The following RFC1 variants were observed in gnomAD, a reference collection of about 807,000 sequenced individuals.
The protein encoded by RFC1 is replication factor C subunit 1, also known as A1 140 kDa subunit.
In RFC1, 37 loss-of-function variants were observed where a neutral mutation model predicts 137.4. That is an observed-to-expected ratio of 0.27 (90% CI 0.21 to 0.35). The LOEUF (loss-of-function observed/expected upper bound fraction) is 0.35, where lower values mean the gene tolerates loss of function less well. Among genes scored for constraint, RFC1 ranks in the 10% least tolerant of loss-of-function variants. The pLI is 1.00. For missense variants in RFC1, 1,205 were observed against 1,358.5 expected, an observed-to-expected ratio of 0.89 and a Z score of 1.78; for synonymous variants, 429 against 455.7, an observed-to-expected ratio of 0.94 and a Z score of 0.75.
intron 22 of RFC1, 167 bp from the exon 23 acceptor site, chr4:39,292,019 C>T: frequency 1.6e-6 from 1 of 613,386 alleles, no homozygotes; most frequent in Non-Finnish European, 2.9e-6. Flanking sequence ...AAGCCCAGCA[C>T]CACAGCATGA....
chr4:39,292,031 G>T, intron 22 of RFC1, 179 bp from the exon 23 acceptor site: 1 of 596,684 alleles, frequency 1.7e-6, no homozygotes, highest in Non-Finnish European at 3.0e-6. Flanking sequence ...ACAGCATGAG[G>T]GTAATGGGTA....
At chr4:39,328,652 T>A (rs1739911509) in intron 4 of RFC1, among the ~76,000 whole-genome samples, 2 of 152,106 alleles carry the variant, frequency 1.3e-5, no homozygotes, top group Non-Finnish European at 2.9e-5. Context: ...CCAGAAGAGT[T>A]CGGGTGAAAG....
chr4:39,325,188 A>C (rs539354067), intron 6 of RFC1, among the ~76,000 whole-genome samples: 2 of 152,244 alleles, frequency 1.3e-5, no homozygotes, highest in East Asian at 3.9e-4. Flanking sequence ...CCAAATGTCC[A>C]TCTTCAGTTT....
In RFC1 at chr4:39,312,738, A is replaced by C. The variant is rs1162768627; in HGVS notation, c.1383+14T>G. 1 of 1,609,916 alleles carries C rather than the reference A, an allele frequency of 6.2e-7. No individual in the cohort carries two copies. The highest frequency in any genetic ancestry group is 8.5e-7 in the Non-Finnish European group (1 of 1,177,264). ...CAGGAGGTGTCATGGTGTTGAGAAC[A>C]AAGCAGTACCCACCTTATCACTCTT... On this transcript the variant is annotated intron_variant, in intron 11 of 24. Coordinates refer to ENST00000349703, the MANE Select transcript of RFC1 (RefSeq NM_002913.5).
rs1403274318 is a variant in RFC1, at chr4:39,342,422, G to A, written c.254C>T (p.Pro85Leu). Reference sequence around the variant, plus strand: ...AGAAGATACTGGCAGTTTTTCTGGTGGCTTTTTGGCATTTTTTACCTGCAA... The same window carrying A: ...AGAAGATACTGGCAGTTTTTCTGGTAGCTTTTTGGCATTTTTTACCTGCAA... Reference protein sequence around the residue: ...ETLQVKNAKKPPEKLPVSSKP... With the variant: ...ETLQVKNAKKLPEKLPVSSKP... Residue 85 changes from proline to leucine, a missense_variant, in exon 4 of 25, where the codon CCA becomes CTA. Pro to Leu is a moderately conservative substitution (Grantham distance 98). This residue lies in a region of RFC1 where 962 missense variants were observed against 1,035.3 expected (regional missense o/e 0.93). Transcript: ENST00000349703. The A allele has an allele frequency of 6.2e-7, 1 of 1,613,334 alleles. No individual in the cohort carries two copies. The highest frequency in any genetic ancestry group is 8.5e-7 in the Non-Finnish European group (1 of 1,179,594).
intron 12 of RFC1, 117 bp from the exon 13 acceptor site, chr4:39,309,149 G>T: frequency 9.2e-7 from 1 of 1,089,698 alleles, no homozygotes; most frequent in Non-Finnish European, 1.3e-6. Context: ...CTCAACCTGG[G>T]CTGGTCTTTT....
Position 39,300,411 on chromosome 4 carries a change from G to T in RFC1, c.2539C>A (p.Pro847Thr). Reference protein sequence around the residue: ...HRAKKDIKMGPFDVARKVFAA... With the variant: ...HRAKKDIKMGTFDVARKVFAA... ...AACACTTTCCGGGCAACATCAAATG[G>T]GCCCTGAAAAAAGAGAGGGACACAC... Residue 847 changes from proline to threonine, a missense_variant, in exon 20 of 25, where the codon CCA (proline) becomes ACA (threonine). This residue lies in a region of RFC1 where 962 missense variants were observed against 1,035.3 expected (regional missense o/e 0.93). Transcript: ENST00000349703. 1 of 1,611,250 alleles carries T rather than the reference G, an allele frequency of 6.2e-7. No individual in the cohort carries two copies. Among genetic ancestry groups the T allele is most frequent in the Non-Finnish European group, 8.5e-7 (1 of 1,178,824 alleles).
intron 4 of RFC1, 57 bp downstream of exon 4, chr4:39,342,288 C>CA: frequency 2.0e-6 from 3 of 1,529,674 alleles, no homozygotes; most frequent in Middle Eastern, 1.8e-4. Flanking sequence ...TAGACACCAA[C>CA]AAAAAACTCA....
At chr4:39,334,537 A>G (rs879554445) in intron 4 of RFC1, among the ~76,000 whole-genome samples, 20 of 152,212 alleles carry the variant, frequency 1.3e-4, no homozygotes, top group Non-Finnish European at 2.1e-4. Flanking sequence ...TAGAGATGAA[A>G]CATTCCAAAT....
intron 10 of RFC1, among the ~76,000 whole-genome samples, chr4:39,315,102 CTGTCTCCATTT>C (rs1739172051): frequency 6.6e-6 from 1 of 152,182 alleles, no homozygotes; most frequent in Admixed American, 6.5e-5. Context: ...TCTACTTTTG[CTGTCTCCATTT>C]TGTCTCCTCA....
intron 21 of RFC1, chr4:39,295,976 T>C (rs542594586): frequency 7.7e-6 from 3 of 391,612 alleles, no homozygotes; most frequent in Admixed American, 8.7e-5. Context: ...TGATCCAACA[T>C]GTTATGGCCC....
At position 39,302,306 on chromosome 4, in the gene RFC1, G is replaced by C. The variant is rs914951575; in HGVS notation, c.2507C>G (p.Ser836Cys). 5 of 1,612,206 alleles carry C rather than the reference G, an allele frequency of 3.1e-6. No individual in the cohort carries two copies. Among genetic ancestry groups the C allele is most frequent in the Non-Finnish European group, 4.2e-6 (5 of 1,178,320 alleles). ...TTTGATATCCTTTTTGGCTCTGTGA[G>C]AATCAGCTTTGGCCTGGTCATAGGT... ...ALTYDQAKAD[S>C]HRAKKDIKMG... Residue 836 changes from serine to cysteine, a missense_variant, in exon 19 of 25, where the codon TCT becomes TGT. By Grantham distance (112) the Ser-to-Cys change is moderately radical. Coordinates refer to ENST00000349703, the MANE Select transcript of RFC1 (RefSeq NM_002913.5).
At position 39,302,790 on chromosome 4, in the gene RFC1, C is replaced by T. The variant is rs1215156008; in HGVS notation, c.2287G>A (p.Val763Ile). 1 of 1,605,178 alleles carries T rather than the reference C, an allele frequency of 6.2e-7. No individual in the cohort carries two copies. The highest frequency in any genetic ancestry group is 1.3e-5 in the African/African-American group (1 of 74,444). ...AAACGAAGATCAAAACAATAATGAA[C>T]CAGAGAGCGAATCTTGGGATGATTT... ...DRNHPKIRSL[V>I]HYCFDLRFQR... The change falls in exon 17 of 25, where the codon GTT becomes ATT. Residue 763 changes from valine (V) to isoleucine (I), a missense_variant. Coordinates refer to ENST00000349703, the MANE Select transcript of RFC1 (RefSeq NM_002913.5).
chr4:39,355,320 A>C (rs1237151924), intron 1 of RFC1, among the ~76,000 whole-genome samples: 1 of 151,566 alleles, frequency 6.6e-6, no homozygotes, highest in Non-Finnish European at 1.5e-5. Context: ...CTGTAGTCCC[A>C]GCTACTCAGG....
Position 39,351,430 on chromosome 4 carries a change from A to T in RFC1, c.50T>A (p.Val17Glu), listed in dbSNP as rs1741196422. 6.3e-7 allele frequency: 1 copy of T among 1,580,776 alleles called. No homozygotes were observed. Among genetic ancestry groups the T allele is most frequent in the African/African-American group, 1.4e-5 (1 of 73,144 alleles). ...FGVIPSGKKL[V>E]SETVKKNEKT... The stretch of plus-strand genomic sequence containing the variant: ...CTCATTCTTCTTTACTGTTTCACTT[A>T]CAAGTTTCTTTCCACTTGGTATTAC... The change falls in exon 2 of 25, where the codon GTA (valine) becomes GAA (glutamate). Residue 17 changes from valine (V) to glutamate (E), a missense_variant. Physicochemically the swap from Val to Glu is moderately radical, Grantham distance 121. Coordinates refer to ENST00000349703, the MANE Select transcript of RFC1 (RefSeq NM_002913.5).
Position 39,308,759 on chromosome 4 carries a change from C to T in RFC1, c.1762G>A (p.Asp588Asn). The T allele has an allele frequency of 6.2e-7, 1 of 1,614,150 alleles. No homozygotes were observed. The highest frequency in any genetic ancestry group is 8.5e-7 in the Non-Finnish European group (1 of 1,180,024). The change falls in exon 13 of 25, where the codon GAT becomes AAT. Residue 588 changes from aspartate (D) to asparagine (N), a missense_variant. Transcript: ENST00000349703. ...TTGAGCGAGGTTGGCTTATATTTATCCACCCAGAGCAAATTTTCCACTTTG... is the reference window on the plus strand; with the variant it reads ...TTGAGCGAGGTTGGCTTATATTTATTCACCCAGAGCAAATTTTCCACTTTG... ...ENKVENLLWV[D>N]KYKPTSLKTI... is the part of the protein sequence containing the mutation.
intron 4 of RFC1, among the ~76,000 whole-genome samples, chr4:39,337,566 C>T (rs1740421794): frequency 6.6e-6 from 1 of 151,368 alleles, no homozygotes. Context: ...TTTTAGTGTA[C>T]AAATTATTGA....
intron 9 of RFC1, among the ~76,000 whole-genome samples, chr4:39,317,280 C>T (rs930109408): frequency 6.6e-6 from 1 of 152,122 alleles, no homozygotes; most frequent in African/African-American, 2.4e-5. Flanking sequence ...GCCAAGTTGC[C>T]AGCTCCAAGC....
intron 1 of RFC1, among the ~76,000 whole-genome samples, chr4:39,355,442 AC>A (rs1291034580): frequency 6.6e-6 from 1 of 152,138 alleles, no homozygotes; most frequent in Non-Finnish European, 1.5e-5. Flanking sequence ...TAAAACACAC[AC>A]ACACACAAAA....
Sources: gnomAD v4.1 joint callset for allele counts (sites outside exome capture counted in the v4.1 genomes callset) on GRCh38, gnomAD v4.1.1 for gene constraint, gnomAD v4.1.1 regional missense constraint, MANE v1.5 for transcripts, NCBI Gene and HGNC (gene_info 2026-07-23, HGNC 2026-07-21) for gene names.